Variants in WNK3 observed in about 807,000 individuals in gnomAD.
The protein encoded by WNK3 is serine/threonine-protein kinase WNK3.
WNK3 carries 18 observed loss-of-function variants against 116.7 expected under a neutral mutation model. The ratio of observed to expected loss-of-function variants is 0.15; its 90% confidence interval spans 0.11 to 0.23. The LOEUF is 0.23. Ranked by LOEUF, WNK3 falls within the 10% of genes least tolerant of loss-of-function variation. The probability of loss-of-function intolerance (pLI) is 1.00; values close to 1 mark genes in which losing one functional copy is unlikely to be tolerated. For missense variants in WNK3, 993 were observed against 1,323.8 expected (o/e 0.75, Z 3.88); for synonymous variants, 404 against 469.4 (o/e 0.86, Z 1.80).
intron 12 of WNK3, among the ~76,000 whole-genome samples, chrX:54,255,349 T>C (rs1557155260): frequency 1.8e-5 from 2 of 111,432 alleles, no homozygotes; most frequent in South Asian, 3.8e-4. Flanking sequence ...TACAGGGTTA[T>C]TGAAGGATTA....
chrX:54,249,407 T>A (rs928677313), exon 17 of WNK3: 1 of 1,211,683 alleles, frequency 8.3e-7, no homozygotes, highest in Admixed American at 2.2e-5. Context: ...ACTGAAGTAG[T>A]AGAGTAACTG....
At chrX:54,284,591 C>T (rs2068558433) in intron 10 of WNK3, among the ~76,000 whole-genome samples, 1 of 110,601 alleles carries the variant, frequency 9.0e-6, no homozygotes, top group Admixed American at 9.7e-5. Context: ...TAGCCCAAAA[C>T]CAGAAATCAC....
intron 22 of WNK3, among the ~76,000 whole-genome samples, chrX:54,206,459 A>G (rs1270491552): frequency 2.7e-5 from 3 of 112,013 alleles, no homozygotes; most frequent in African/African-American, 9.7e-5. Context: ...CAATCCTGGC[A>G]TGACGATTTG....
intron 22 of WNK3, among the ~76,000 whole-genome samples, chrX:54,224,770 C>T (rs1038916602): frequency 9.1e-6 from 1 of 110,276 alleles, no homozygotes; most frequent in Admixed American, 9.7e-5. Context: ...GGGGTTTCAC[C>T]ATGTTAGCCA....
intron 15 of WNK3, 130 bp from the exon 16 acceptor site, chrX:54,250,261 T>C: frequency 1.6e-6 from 1 of 633,373 alleles, no homozygotes; most frequent in Non-Finnish European, 2.3e-6. Context: ...AGAATATATG[T>C]AATTGATAAG....
In WNK3 at chrX:54,333,303, T is replaced by C. The variant is rs2069193261; in HGVS notation, c.371A>G (p.Lys124Arg). The C allele has an allele frequency of 8.3e-7, 1 of 1,209,900 alleles. No individual in the cohort carries two copies. Among genetic ancestry groups the C allele is most frequent in the African/African-American group, 1.7e-5 (1 of 57,311 alleles). ...TTCTTCTTCCATTTCCTTTTCATTT[T>C]TCTCCTTGAAACAATCTTTTGAGAT... Residue 124 changes from lysine to arginine, a missense_variant, in exon 2 of 24, where the codon AAA (lysine) becomes AGA (arginine). This residue lies in a region of WNK3 where 92 missense variants were observed against 98.7 expected (regional missense o/e 0.93). Transcript: ENST00000354646.
In WNK3 at chrX:54,226,696, T is replaced by C. The variant is rs782382072; in HGVS notation, c.4870+2018A>G. ...GTCTCTACTAAAAATAAAAAATTAG[T>C]GGGGTGTGGTGCCACGCGCCTGTGT... On this transcript the variant is annotated intron_variant, in intron 22 of 23. Transcript: ENST00000354646. Among the ~76,000 whole-genome samples the C allele has an allele frequency of 2.9e-5, 3 of 105,258 alleles. No homozygotes were observed. In the Admixed American group the frequency reaches 3.1e-4, roughly 11 times the overall value. The allele number at this position is 105,258 out of a possible 115,157, so 91.4% of individuals were successfully genotyped here.
At chrX:54,276,038 T>TA (rs1189003447) in intron 10 of WNK3, among the ~76,000 whole-genome samples, 202 of 108,766 alleles carry the variant, frequency 1.9e-3, no homozygotes, top group African/African-American at 6.3e-3. Flanking sequence ...AAAACAGAAG[T>TA]AAAAAAAAAT....
intron 5 of WNK3, among the ~76,000 whole-genome samples, chrX:54,302,337 G>A (rs782303936): frequency 4.1e-4 from 46 of 110,869 alleles, no homozygotes; most frequent in African/African-American, 1.3e-3. Flanking sequence ...TCGCTCTGTC[G>A]CCCAGGCTGG....
chrX:54,302,713 C>CTCTT (rs1474633064), intron 5 of WNK3, among the ~76,000 whole-genome samples: 1 of 28,578 alleles, frequency 3.5e-5, no homozygotes, highest in African/African-American at 1.3e-4. Context: ...CTCTCTCTCT[C>CTCTT]TCTCTCTCTC....
At chrX:54,330,723 T>C (rs1263260323) in intron 2 of WNK3, among the ~76,000 whole-genome samples, 17 of 112,397 alleles carry the variant, frequency 1.5e-4, no homozygotes, top group African/African-American at 5.2e-4. Flanking sequence ...GGCAGGCAGA[T>C]GGCTTGAGCC....
intron 22 of WNK3, among the ~76,000 whole-genome samples, chrX:54,213,279 G>C (rs1557144170): frequency 9.1e-6 from 1 of 109,477 alleles, no homozygotes; most frequent in East Asian, 2.8e-4. Context: ...AAGAGATAAT[G>C]AGCGGTGGCT....
chrX:54,290,652 C>T, intron 10 of WNK3, among the ~76,000 whole-genome samples: 1 of 111,679 alleles, frequency 9.0e-6, no homozygotes, highest in Non-Finnish European at 1.9e-5. Context: ...CTCATTCAAA[C>T]CCTGGCAGAG....
intron 12 of WNK3, among the ~76,000 whole-genome samples, chrX:54,255,168 C>T (rs1040109691): frequency 9.0e-6 from 1 of 110,818 alleles, no homozygotes; most frequent in Non-Finnish European, 1.9e-5. Context: ...TTAATAGAGA[C>T]GGGGTTTTAT....
At chrX:54,232,915 C>T in exon 21 of WNK3, 1 of 1,211,131 alleles carries the variant, frequency 8.3e-7, no homozygotes, top group Non-Finnish European at 1.1e-6. Flanking sequence ...GCAAAGGAAT[C>T]TCAGTAGATT....
chrX:54,245,420 G>C (rs1557152517), intron 17 of WNK3, among the ~76,000 whole-genome samples: 4 of 110,130 alleles, frequency 3.6e-5, no homozygotes, highest in Non-Finnish European at 1.9e-5. Flanking sequence ...TCAGGAGGTT[G>C]AGGTTACAGT....
At chrX:54,264,782 C>T (rs1347737911) in intron 10 of WNK3, among the ~76,000 whole-genome samples, 3 of 110,807 alleles carry the variant, frequency 2.7e-5, no homozygotes, top group Non-Finnish European at 5.7e-5. Flanking sequence ...TAAGAACTAA[C>T]AAACTGATCA....
intron 2 of WNK3, among the ~76,000 whole-genome samples, chrX:54,325,012 C>T (rs963490854): frequency 5.4e-5 from 6 of 111,764 alleles, no homozygotes; most frequent in Non-Finnish European, 5.6e-5. Context: ...TAAGTTCTTC[C>T]ACAATTTTGA....
At chrX:54,266,053 A>G (rs782467519) in intron 10 of WNK3, among the ~76,000 whole-genome samples, 6 of 112,592 alleles carry the variant, frequency 5.3e-5, no homozygotes, top group African/African-American at 1.9e-4. Flanking sequence ...GGTGTTGAGA[A>G]GTCAGGATGC....
Sources: allele counts gnomAD v4.1 joint callset (sites outside exome capture counted in the v4.1 genomes callset), GRCh38; gene constraint gnomAD v4.1.1; regional missense constraint gnomAD v4.1.1; transcripts MANE v1.5; gene names NCBI Gene and HGNC (gene_info 2026-07-23, HGNC 2026-07-21).